AGTR1: variants seen among roughly 807,000 people sequenced by gnomAD.
AGTR1 encodes type-1 angiotensin II receptor.
Under a neutral mutation model 19.4 loss-of-function variants are expected in AGTR1, and 16 were observed. The observed-to-expected ratio is 0.82, with a 90% CI of 0.56 to 1.25. AGTR1 has a LOEUF of 1.25. AGTR1 is among the 50% of genes most tolerant of loss of function. The pLI, the probability that AGTR1 is intolerant of heterozygous loss-of-function variation, is 0.00. For missense variants in AGTR1, 373 were observed against 431.9 expected (o/e 0.86, Z 1.21); for synonymous variants, 153 against 154.9 (o/e 0.99, Z 0.09).
chr3:148,709,979 A>G (rs1178781934), intron 2 of AGTR1, among the ~76,000 whole-genome samples: 4 of 152,194 alleles, frequency 2.6e-5, no homozygotes, highest in Non-Finnish European at 4.4e-5. Context: ...ATATGTGGCT[A>G]TTTACATTTA....
chr3:148,706,222 T>C (rs1052433901), intron 1 of AGTR1, among the ~76,000 whole-genome samples: 32 of 152,102 alleles, frequency 2.1e-4, no homozygotes, highest in Middle Eastern at 6.8e-3. Context: ...CATTTTTTTT[T>C]CCTGTGGTAC....
chr3:148,740,051 A>G, intron 2 of AGTR1: 1 of 1,085,086 alleles, frequency 9.2e-7, no homozygotes, highest in African/African-American at 1.6e-5. Flanking sequence ...TAAATCACAT[A>G]AATGAATAGC....
At chr3:148,736,255 G>A (rs1013538161) in intron 2 of AGTR1, among the ~76,000 whole-genome samples, 5 of 152,134 alleles carry the variant, frequency 3.3e-5, no homozygotes, top group African/African-American at 9.7e-5. Flanking sequence ...TAAAATAAAC[G>A]TGGTTTGGCC....
Position 148,742,094 on chromosome 3 carries a change from A to C in AGTR1, c.1059A>C (p.Ala353=), listed in dbSNP as rs1576542829. 1.2e-6 allele frequency: 2 copies of C among 1,614,138 alleles called. No individual in the cohort carries two copies. The highest frequency in any genetic ancestry group is 1.3e-5 in the African/African-American group (1 of 75,032). The change falls in exon 3 of 3, where the codon GCA becomes GCC. Residue 353 remains alanine (A), a synonymous_variant. Transcript: ENST00000349243. ...DNVSSSTKKP[A]PCFEVE is the part of the protein sequence containing the mutation. ...TAAGCTCATCCACCAAGAAGCCTGC[A>C]CCATGTTTTGAGGTTGAGTGACATG...
chr3:148,732,238 G>A (rs1426535600), intron 2 of AGTR1, among the ~76,000 whole-genome samples: 1 of 152,170 alleles, frequency 6.6e-6, no homozygotes, highest in African/African-American at 2.4e-5. Flanking sequence ...ACTTGGTAGT[G>A]TCAATAAATA....
intron 2 of AGTR1, among the ~76,000 whole-genome samples, chr3:148,729,595 C>T (rs1030192095): frequency 1.3e-5 from 2 of 152,162 alleles, no homozygotes; most frequent in African/African-American, 4.8e-5. Flanking sequence ...ACCAGTAGCT[C>T]ATCTTATTTT....
At chr3:148,727,746 G>A (rs1025610595) in intron 2 of AGTR1, among the ~76,000 whole-genome samples, 3 of 152,098 alleles carry the variant, frequency 2.0e-5, no homozygotes, top group South Asian at 2.1e-4. Flanking sequence ...TTTTGTGAGG[G>A]ATCTGTAGTT....
intron 1 of AGTR1, among the ~76,000 whole-genome samples, chr3:148,700,793 A>G (rs1363998221): frequency 3.3e-5 from 5 of 152,220 alleles, no homozygotes; most frequent in African/African-American, 1.2e-4. Context: ...CAAACTGACA[A>G]ATCAGCTTTC....
intron 2 of AGTR1, among the ~76,000 whole-genome samples, chr3:148,737,830 T>C (rs1197089636): frequency 6.6e-6 from 1 of 152,198 alleles, no homozygotes; most frequent in Non-Finnish European, 1.5e-5. Flanking sequence ...TATGTCCAGA[T>C]TCTTTCAAGC....
intron 2 of AGTR1, among the ~76,000 whole-genome samples, chr3:148,714,999 A>G (rs1713211477): frequency 6.6e-6 from 1 of 152,198 alleles, no homozygotes; most frequent in African/African-American, 2.4e-5. Flanking sequence ...TGAGTGCAAA[A>G]TGTCATGTAC....
In AGTR1 at chr3:148,742,435, A is replaced by T. The variant is rs1045539875; in HGVS notation, c.*320A>T. ...CTCCCTAGCCTGCTTTTGTCCTGTT[A>T]TTTTTTATTTCCACATAAAGGTATT... On this transcript the variant is annotated 3_prime_UTR_variant, in exon 3 of 3. Coordinates refer to ENST00000349243, the MANE Select transcript of AGTR1 (RefSeq NM_000685.5). 10 of 431,918 alleles carry T rather than the reference A, an allele frequency of 2.3e-5. No homozygotes were observed. Among genetic ancestry groups the T allele is most frequent in the African/African-American group, 2.0e-4 (10 of 49,000 alleles). The allele number at this position is 431,918 out of a possible 1,614,324, so 26.8% of individuals were successfully genotyped here.
At chr3:148,727,400 TG>T (rs1373045276) in intron 2 of AGTR1, among the ~76,000 whole-genome samples, 1 of 152,216 alleles carries the variant, frequency 6.6e-6, no homozygotes, top group Non-Finnish European at 1.5e-5. Context: ...TACAGATCGA[TG>T]CCCTCTGATC....
intron 2 of AGTR1, among the ~76,000 whole-genome samples, chr3:148,724,704 T>C (rs1242304245): frequency 6.6e-6 from 1 of 152,178 alleles, no homozygotes; most frequent in Non-Finnish European, 1.5e-5. Context: ...AGAATGACTT[T>C]TTATGTAAAG....
intron 2 of AGTR1, among the ~76,000 whole-genome samples, chr3:148,728,393 C>T (rs1714073894): frequency 6.6e-6 from 1 of 152,066 alleles, no homozygotes; most frequent in African/African-American, 2.4e-5. Context: ...TCAGCAGAAA[C>T]AAAAAGAAGT....
intron 2 of AGTR1, among the ~76,000 whole-genome samples, chr3:148,725,683 A>G (rs1177318589): frequency 4.6e-5 from 7 of 152,044 alleles, no homozygotes; most frequent in Admixed American, 2.0e-4. Flanking sequence ...GGGTTTCACC[A>G]TGTTGGCCAG....
At position 148,725,740 on chromosome 3, in the gene AGTR1, C is replaced by T. The variant is rs554746186; in HGVS notation, c.-47-15249C>T. ...TCAAATGATCCACCCGCCTCAGCCT[C>T]CCAAAGTGCTGGGATTACATGCATG... On this transcript the variant is annotated intron_variant, in intron 2 of 2. Coordinates refer to ENST00000349243, the MANE Select transcript of AGTR1 (RefSeq NM_000685.5). 3.9e-5 allele frequency among the ~76,000 whole-genome samples: 6 copies of T among 152,308 alleles called. No homozygotes were observed. In the East Asian group the frequency reaches 9.6e-4, roughly 24 times the overall value.
chr3:148,732,294 A>G (rs1435512545), intron 2 of AGTR1, among the ~76,000 whole-genome samples: 2 of 152,258 alleles, frequency 1.3e-5, no homozygotes, highest in African/African-American at 4.8e-5. Context: ...CCATAAATGG[A>G]ATGAAACAAA....
At chr3:148,703,701 T>G (rs1317489337) in intron 1 of AGTR1, among the ~76,000 whole-genome samples, 34 of 152,218 alleles carry the variant, frequency 2.2e-4, no homozygotes, top group Non-Finnish European at 4.9e-4. Context: ...TTTCATTGCC[T>G]GTTCTCTTAG....
intron 2 of AGTR1, among the ~76,000 whole-genome samples, chr3:148,729,667 TA>T (rs1714145215): frequency 6.6e-6 from 1 of 152,212 alleles, no homozygotes; most frequent in Admixed American, 6.5e-5. Flanking sequence ...TATCACAGGA[TA>T]TTTAATTAGA....
Sources: gnomAD v4.1 joint callset for allele counts (sites outside exome capture counted in the v4.1 genomes callset) on GRCh38, gnomAD v4.1.1 for gene constraint, MANE v1.5 for transcripts, NCBI Gene and HGNC (gene_info 2026-07-23, HGNC 2026-07-21) for gene names.